The following LINGO2 variants were observed in gnomAD, a reference collection of about 807,000 sequenced individuals.
LINGO2 encodes the protein leucine-rich repeat and immunoglobulin-like domain-containing nogo receptor-interacting protein 2.
A neutral mutation model predicts 30.6 loss-of-function variants in LINGO2; 14 were observed. The ratio of observed to expected loss-of-function variants is 0.46; its 90% CI spans 0.30 to 0.72. LINGO2 has a LOEUF of 0.72. LINGO2 is among the 30% of genes least tolerant of loss of function. The probability of loss-of-function intolerance (pLI) is 0.07; values close to 1 mark genes in which losing one functional copy is unlikely to be tolerated. For synonymous variants in LINGO2, 317 were observed against 288.5 expected (o/e 1.10, Z -1.00); for missense variants, 729 against 751.7 (o/e 0.97, Z 0.35).
At chr9:28,566,171 A>C (rs1823371587) in intron 1 of LINGO2, among the ~76,000 whole-genome samples, 1 of 152,124 alleles carries the variant, frequency 6.6e-6, no homozygotes, top group African/African-American at 2.4e-5. Context: ...TTTCCTGAAT[A>C]TTGGGAAGAT....
intron 2 of LINGO2, among the ~76,000 whole-genome samples, chr9:28,411,735 A>G (rs1822773289): frequency 1.3e-5 from 2 of 152,132 alleles, no homozygotes; most frequent in South Asian, 4.1e-4. Flanking sequence ...ACATGGGTAT[A>G]CAAATATTCT....
chr9:28,025,247 C>A (rs533291727), intron 4 of LINGO2, among the ~76,000 whole-genome samples: 4 of 152,252 alleles, frequency 2.6e-5, no homozygotes, highest in African/African-American at 4.8e-5. Flanking sequence ...GCTGAGAAGA[C>A]CAAGACAAAA....
the LINGO2 span, among the ~76,000 whole-genome samples, chr9:29,124,597 A>T: frequency 6.6e-6 from 1 of 152,080 alleles, no homozygotes; most frequent in Non-Finnish European, 1.5e-5. Flanking sequence ...CAAAAAGAGG[A>T]TGAAGGATAT....
intron 4 of LINGO2, among the ~76,000 whole-genome samples, chr9:28,135,179 G>A (rs539484200): frequency 9.2e-5 from 14 of 152,160 alleles, no homozygotes; most frequent in African/African-American, 2.4e-4. Context: ...ATATAAAATC[G>A]TAACCAAATA....
the LINGO2 span, among the ~76,000 whole-genome samples, chr9:28,707,141 T>C: frequency 1.3e-5 from 2 of 152,250 alleles, no homozygotes; most frequent in South Asian, 2.1e-4. Flanking sequence ...TGTATTCTTA[T>C]ATCCTAAAGA....
At chr9:28,507,660 A>C (rs943473640) in intron 1 of LINGO2, among the ~76,000 whole-genome samples, 1 of 152,130 alleles carries the variant, frequency 6.6e-6, no homozygotes, top group Non-Finnish European at 1.5e-5. Context: ...CTACATATAA[A>C]ACTTTATGTA....
At chr9:29,073,742 A>AT in the LINGO2 span, among the ~76,000 whole-genome samples, 1 of 152,214 alleles carries the variant, frequency 6.6e-6, no homozygotes, top group Non-Finnish European at 1.5e-5. Context: ...ATGGAAGATA[A>AT]TTTGTGGTTA....
At chr9:29,192,018 G>A in the LINGO2 span, among the ~76,000 whole-genome samples, 1 of 151,596 alleles carries the variant, frequency 6.6e-6, no homozygotes, top group Non-Finnish European at 1.5e-5. Context: ...TACCCCATGG[G>A]GTTTGTTATG....
intron 4 of LINGO2, among the ~76,000 whole-genome samples, chr9:28,170,820 C>A (rs1211444269): frequency 2.0e-5 from 3 of 152,178 alleles, no homozygotes; most frequent in Non-Finnish European, 4.4e-5. Context: ...CTCTCTCTTC[C>A]CTTTACTAAC....
intron 4 of LINGO2, among the ~76,000 whole-genome samples, chr9:28,131,522 T>G (rs905041315): frequency 6.6e-6 from 1 of 152,178 alleles, no homozygotes; most frequent in Non-Finnish European, 1.5e-5. Flanking sequence ...TAATAAATAT[T>G]TCATGAATTG....
chr9:28,101,921 A>C (rs1259807574), intron 4 of LINGO2, among the ~76,000 whole-genome samples: 1 of 152,124 alleles, frequency 6.6e-6, no homozygotes, highest in East Asian at 1.9e-4. Context: ...ATTTATTTTG[A>C]CATTTAGGAG....
At chr9:28,472,868 T>A (rs1825582702) in intron 2 of LINGO2, among the ~76,000 whole-genome samples, 1 of 152,198 alleles carries the variant, frequency 6.6e-6, no homozygotes, top group Non-Finnish European at 1.5e-5. Flanking sequence ...CATTCTTCTG[T>A]AACATTTTTG....
At chr9:28,573,156 G>C (rs1210810101) in intron 1 of LINGO2, among the ~76,000 whole-genome samples, 1 of 152,150 alleles carries the variant, frequency 6.6e-6, no homozygotes, top group Non-Finnish European at 1.5e-5. Flanking sequence ...AGTAAAAGCT[G>C]AAGGCAATCT....
At chr9:28,391,947 G>A (rs999191123) in intron 2 of LINGO2, among the ~76,000 whole-genome samples, 28 of 152,056 alleles carry the variant, frequency 1.8e-4, no homozygotes, top group East Asian at 1.7e-3. Context: ...GGTGGCTCAC[G>A]CCTGTAATCT....
intron 5 of LINGO2, among the ~76,000 whole-genome samples, chr9:27,990,666 T>G (rs754694853): frequency 6.6e-6 from 1 of 151,820 alleles, no homozygotes; most frequent in Non-Finnish European, 1.5e-5. Context: ...GTAGAGGAGG[T>G]TATCGCATTC....
intron 4 of LINGO2, among the ~76,000 whole-genome samples, chr9:28,285,262 A>C (rs1029422264): frequency 1.3e-5 from 2 of 152,126 alleles, no homozygotes; most frequent in Non-Finnish European, 2.9e-5. Context: ...CTTATATATA[A>C]TGTATCAGAT....
intron 2 of LINGO2, among the ~76,000 whole-genome samples, chr9:28,418,363 CT>C (rs1193291921): frequency 4.0e-5 from 6 of 148,224 alleles, no homozygotes. Flanking sequence ...ACTGCAACCT[CT>C]GTCTCCCATG....
chr9:28,769,489 TA>T, the LINGO2 span, among the ~76,000 whole-genome samples: 2 of 6,198 alleles, frequency 3.2e-4, no homozygotes, highest in Non-Finnish European at 2.7e-4. Context: ...TATATATATA[TA>T]TATATATATA....
chr9:28,509,245 T>C (rs937888513), intron 1 of LINGO2, among the ~76,000 whole-genome samples: 1 of 152,198 alleles, frequency 6.6e-6, no homozygotes, highest in Admixed American at 6.6e-5. Flanking sequence ...GAACGTCCAA[T>C]GGGCTACCTC....
Sources: gnomAD v4.1 joint callset for allele counts (sites outside exome capture counted in the v4.1 genomes callset) on GRCh38, gnomAD v4.1.1 for gene constraint, MANE v1.5 for transcripts, NCBI Gene and HGNC (gene_info 2026-07-23, HGNC 2026-07-21) for gene names.